Variants in RNF168 observed in about 807,000 individuals in gnomAD.
The protein encoded by RNF168 is E3 ubiquitin-protein ligase RNF168.
Under a neutral mutation model 34.9 loss-of-function variants are expected in RNF168, and 34 were observed. The ratio of observed to expected loss-of-function variants is 0.97; its 90% CI spans 0.74 to 1.30. The LOEUF (loss-of-function observed/expected upper bound fraction) is 1.30, where lower values mean the gene tolerates loss of function less well. RNF168 is among the 50% of genes most tolerant of loss of function. The probability of loss-of-function intolerance (pLI) is 0.00; values close to 1 mark genes in which losing one functional copy is unlikely to be tolerated. For synonymous variants in RNF168, 264 were observed against 254.7 expected (o/e 1.04, Z -0.35); for missense variants, 725 against 682.5 (o/e 1.06, Z -0.69).
Position 196,471,923 on chromosome 3 carries a change from T to C in RNF168, c.1612A>G (p.Asn538Asp), listed in dbSNP as rs767961908. ...ACCTTACAGTGATCTCTAGTAGAAT[T>C]TGGCATCTTTCTTCTATTAACTGAC... is the stretch of plus-strand genomic sequence containing the variant. The part of the protein sequence containing the change: ...KQSVNRRKMP[N>D]STRDHCKVSK... The change falls in exon 6 of 6, where the codon AAT becomes GAT. Residue 538 changes from asparagine (N) to aspartate (D), a missense_variant. Physicochemically the swap from Asn to Asp is conservative, Grantham distance 23 (BLOSUM62 1). Coordinates refer to ENST00000318037, the MANE Select transcript of RNF168 (RefSeq NM_152617.4). 16 of 1,613,854 alleles carry C rather than the reference T, an allele frequency of 9.9e-6. No homozygotes were observed. Among genetic ancestry groups the C allele is most frequent in the East Asian group, 2.2e-5 (1 of 44,876 alleles).
rs1298660176 is a variant in RNF168, at chr3:196,495,523, T to C, written c.302-6840A>G. On this transcript the variant is annotated intron_variant, in intron 1 of 5. Transcript: ENST00000318037. Reference sequence around the variant, plus strand: ...CTGACATTTTTGAGGTACTAACAACTACGTTTTGTAGAATTTCAATTTGGG... The same window carrying C: ...CTGACATTTTTGAGGTACTAACAACCACGTTTTGTAGAATTTCAATTTGGG... Among the ~76,000 whole-genome samples, 7 of 152,334 alleles carry C rather than the reference T, an allele frequency of 4.6e-5. No homozygotes were observed. In the East Asian group the frequency reaches 1.3e-3, roughly 29 times the overall value.
chr3:196,476,090 G>C (rs4916498), intron 4 of RNF168, among the ~76,000 whole-genome samples: 108,987 of 151,472 alleles, frequency 0.72, 40,428 homozygotes, highest in Middle Eastern at 0.86. Flanking sequence ...AACTCCTGAC[G>C]CTCAGGTGAT....
chr3:196,499,590 A>T (rs543361693), intron 1 of RNF168, among the ~76,000 whole-genome samples: 1 of 152,192 alleles, frequency 6.6e-6, no homozygotes, highest in African/African-American at 2.4e-5. Context: ...TTGGAGGCCA[A>T]GACAGGTGGA....
rs1732515044 is a variant in RNF168 at position 196,488,601 on chromosome 3, A to G, written c.378+6T>C. 6.4e-7 allele frequency: 1 copy of G among 1,551,374 alleles called. No homozygotes were observed. Among genetic ancestry groups the G allele is most frequent in the South Asian group, 1.1e-5 (1 of 89,074 alleles). ...ATTCCAAAAAAAAAAACTATTTAGC[A>G]CCTACCTTGCTTATTTCCTCTTCAT... On this transcript the variant is annotated splice_donor_region_variant and intron_variant, in intron 2 of 5. Transcript: ENST00000318037.
chr3:196,472,674 T>A lies in RNF168; in HGVS notation c.861A>T (p.Glu287Asp), dbSNP rs760379661. ...ACTCTATTGAAGAATCTGCACCTTG[T>A]TCTCCAACTCCAAGGGATATCTGTG... ...LSPQISLGVGEQGADSSIESP... is the reference protein window; with the variant it reads ...LSPQISLGVGDQGADSSIESP... The change falls in exon 6 of 6, where the codon GAA (glutamate) becomes GAT (aspartate). Residue 287 changes from glutamate to aspartate, a missense_variant. By Grantham distance (45) the Glu-to-Asp change is conservative. Transcript: ENST00000318037. 2 of 1,606,096 alleles carry A rather than the reference T, an allele frequency of 1.2e-6. No homozygotes were observed. Among genetic ancestry groups the A allele is most frequent in the Non-Finnish European group, 1.7e-6 (2 of 1,173,214 alleles).
intron 5 of RNF168, among the ~76,000 whole-genome samples, chr3:196,473,224 C>G (rs1732057074): frequency 6.6e-6 from 1 of 152,182 alleles, no homozygotes; most frequent in Non-Finnish European, 1.5e-5. Context: ...GTTTTTAACT[C>G]TTTTCTCTAC....
chr3:196,484,414 T>C (rs545100806), intron 3 of RNF168, among the ~76,000 whole-genome samples: 1 of 151,272 alleles, frequency 6.6e-6, no homozygotes, highest in Non-Finnish European at 1.5e-5. Context: ...GACCTCATGA[T>C]CTGCCTGCCT....
chr3:196,483,346 C>A (rs1732341448), intron 4 of RNF168, among the ~76,000 whole-genome samples: 1 of 152,182 alleles, frequency 6.6e-6, no homozygotes, highest in Admixed American at 6.6e-5. Context: ...GGCACCTGAC[C>A]CTGGAGGGGT....
intron 1 of RNF168, 27 bp from the exon 2 acceptor site, chr3:196,488,710 C>A: frequency 7.0e-7 from 1 of 1,427,592 alleles, no homozygotes; most frequent in Non-Finnish European, 9.9e-7. Flanking sequence ...AAGAAAATAA[C>A]ATTATAGGCA....
chr3:196,494,534 C>G (rs1732690007), intron 1 of RNF168, among the ~76,000 whole-genome samples: 1 of 152,218 alleles, frequency 6.6e-6, no homozygotes, highest in Non-Finnish European at 1.5e-5. Flanking sequence ...CCTCCCATCA[C>G]TGAACTAGAC....
In RNF168 at chr3:196,472,960, G is replaced by A. The variant is rs578023011; in HGVS notation, c.763-188C>T. On this transcript the variant is annotated intron_variant, in intron 5 of 5. Coordinates refer to ENST00000318037, the MANE Select transcript of RNF168 (RefSeq NM_152617.4). The stretch of plus-strand genomic sequence containing the variant: ...TCTGTCGCCCAGGCTGGAGTGCAGT[G>A]GCGCGGTCTCAGCTCACTGCAACCT... Among the ~76,000 whole-genome samples, 17 of 151,792 alleles carry A rather than the reference G, an allele frequency of 1.1e-4. No homozygotes were observed. In the South Asian group the frequency reaches 3.3e-3, roughly 30 times the overall value.
chr3:196,482,299 G>GTGTA (rs1182025227), intron 4 of RNF168, among the ~76,000 whole-genome samples: 1 of 152,004 alleles, frequency 6.6e-6, no homozygotes, highest in Non-Finnish European at 1.5e-5. Context: ...TTGAATTGAG[G>GTGTA]TGTAATTCAC....
intron 4 of RNF168, among the ~76,000 whole-genome samples, chr3:196,477,605 T>G (rs746887723): frequency 2.0e-5 from 3 of 152,236 alleles, no homozygotes; most frequent in Non-Finnish European, 2.9e-5. Flanking sequence ...TCAATGCTGA[T>G]GCGGGACCAC....
At chr3:196,481,452 A>G (rs1023900140) in intron 4 of RNF168, among the ~76,000 whole-genome samples, 25 of 151,984 alleles carry the variant, frequency 1.6e-4, no homozygotes, top group Non-Finnish European at 3.4e-4. Context: ...AAAAAAAAAA[A>G]GGAAATAATT....
chr3:196,485,514 T>G (rs924540984), intron 3 of RNF168, among the ~76,000 whole-genome samples: 1 of 151,870 alleles, frequency 6.6e-6, no homozygotes, highest in Non-Finnish European at 1.5e-5. Context: ...TTAAAAAAAT[T>G]ATTCTACAGT....
Position 196,503,658 on chromosome 3 carries a change from G to A in RNF168, c.-485C>T, listed in dbSNP as rs1302027560. 2.9e-5 allele frequency: 6 copies of A among 207,768 alleles called. No individual in the cohort carries two copies. The highest frequency in any genetic ancestry group is 1.4e-4 in the African/African-American group (6 of 42,288). 12.9% of individuals were successfully genotyped at this position (207,768 alleles called of 1,614,324 possible). A position where few individuals can be genotyped will look rare whatever the true frequency, so the allele number is the denominator to read the frequency against. On this transcript the variant is annotated 5_prime_UTR_variant, in exon 1 of 6. In the 5' UTR this introduces an upstream ATG that the reference lacks. Coordinates refer to ENST00000318037, the MANE Select transcript of RNF168 (RefSeq NM_152617.4). ...GCTGCGGGGGAGACGCGCGACTCCC[G>A]TGTTCACCTTTCGGGCGCCTGGCGC...
At position 196,502,877 on chromosome 3, in the gene RNF168, TTCCTCTGA is replaced by T; in HGVS notation, c.289_296del (p.Glu98GlyfsTer2). Reference sequence around the variant, plus strand: ...AACACGCCATGGTTTACTCACCCACTTCCTCTGATTCTTGGCCAGACGCTCTAAGCTTG... The same window carrying T: ...AACACGCCATGGTTTACTCACCCACTTTCTTGGCCAGACGCTCTAAGCTTG... On this transcript the variant is annotated frameshift_variant, in exon 1 of 6. Coordinates refer to ENST00000318037, the MANE Select transcript of RNF168 (RefSeq NM_152617.4). LOFTEE classifies it high-confidence loss of function. 3.1e-6 allele frequency: 5 copies of T among 1,613,624 alleles called. No homozygotes were observed. The highest frequency in any genetic ancestry group is 4.2e-6 in the Non-Finnish European group (5 of 1,179,530).
At chr3:196,502,453 T>C (rs1234635566) in intron 1 of RNF168, among the ~76,000 whole-genome samples, 1 of 151,892 alleles carries the variant, frequency 6.6e-6, no homozygotes, top group Non-Finnish European at 1.5e-5. Flanking sequence ...CCGGGCGTGA[T>C]GGTGCACGCG....
chr3:196,491,370 C>T (rs73072950), intron 1 of RNF168, among the ~76,000 whole-genome samples: 25 of 150,956 alleles, frequency 1.7e-4, no homozygotes, highest in Non-Finnish European at 2.5e-4. Context: ...GACAGTAGGC[C>T]GGGCACAGTG....
Sources: allele counts gnomAD v4.1 joint callset (sites outside exome capture counted in the v4.1 genomes callset), GRCh38; gene constraint gnomAD v4.1.1; transcripts MANE v1.5; gene names NCBI Gene and HGNC (gene_info 2026-07-23, HGNC 2026-07-21).